RIF1: variants seen among roughly 807,000 people sequenced by gnomAD.
The protein encoded by RIF1 is telomere-associated protein RIF1.
Under a neutral mutation model 247.1 loss-of-function variants are expected in RIF1, and 45 were observed. That is an observed-to-expected ratio of 0.18 (90% confidence interval 0.14 to 0.23). The LOEUF (loss-of-function observed/expected upper bound fraction) is 0.23, where lower values mean the gene tolerates loss of function less well. RIF1 is among the 10% of genes least tolerant of loss of function. The probability of loss-of-function intolerance (pLI) is 1.00; values close to 1 mark genes in which losing one functional copy is unlikely to be tolerated. For missense variants in RIF1, 2,967 were observed against 2,862.5 expected (o/e 1.04, Z -0.83); for synonymous variants, 1,087 against 978.8 (o/e 1.11, Z -2.06).
At chr2:151,503,066 G>A in exon 12 of RIF1, 2 of 580,644 alleles carry the variant, frequency 3.4e-6, no homozygotes, top group South Asian at 2.3e-5. Context: ...GCTAATTCTG[G>A]AAATGAAAAA....
chr2:151,526,913 C>G, the RIF1 span: 2 of 1,572,196 alleles, frequency 1.3e-6, no homozygotes, highest in South Asian at 2.3e-5. Context: ...GAACTAGGTA[C>G]TTACATCACT....
chr2:151,524,622 T>C, the RIF1 span: 1 of 1,593,276 alleles, frequency 6.3e-7, no homozygotes, highest in South Asian at 1.1e-5. Context: ...GCGACCTTTA[T>C]TGGGGAAGAA....
chr2:151,522,580 A>G, the RIF1 span, among the ~76,000 whole-genome samples: 2 of 151,680 alleles, frequency 1.3e-5, no homozygotes, highest in African/African-American at 2.4e-5. Flanking sequence ...ATGCAAAAGT[A>G]TATCCTTCAA....
rs10199238 is a variant in RIF1, at chr2:151,490,357, G to A, written c.*416-4872G>A. ...GCCGGGTGGGACTGCCAAAATCAGC[G>A]CCAGGCACTTGTACCTGTTGAGACT... On this transcript the variant is annotated intron_variant and NMD_transcript_variant, in intron 9 of 13. Transcript: ENST00000454583. The A allele has an allele frequency of 2.7e-5, 43 of 1,583,694 alleles. No individual in the cohort carries two copies. Among genetic ancestry groups the A allele is most frequent in the African/African-American group, 1.2e-4 (9 of 74,088 alleles).
the RIF1 span, chr2:151,519,564 G>T: frequency 2.2e-6 from 2 of 891,970 alleles, no homozygotes; most frequent in Non-Finnish European, 1.8e-6. Context: ...GGATAATATT[G>T]TGAGTGTTAT....
intron 31 of RIF1, 86 bp downstream of exon 31, chr2:151,468,232 GT>G (rs1697254993): frequency 8.0e-7 from 1 of 1,252,838 alleles, no homozygotes; most frequent in Non-Finnish European, 1.1e-6. Flanking sequence ...AACTATATAT[GT>G]GAAAAACTTC....
Position 151,492,061 on chromosome 2 carries a change from T to C in RIF1, c.*416-3168T>C, listed in dbSNP as rs763159352. 3 of 1,598,594 alleles carry C rather than the reference T, an allele frequency of 1.9e-6. No homozygotes were observed. In the South Asian group the frequency reaches 3.3e-5, roughly 18 times the overall value. On this transcript the variant is annotated intron_variant and NMD_transcript_variant, in intron 9 of 13. Coordinates refer to the RIF1 transcript ENST00000454583. ...ACTTTTGTTCTTCTACCCCCTCACT[T>C]AAAGTTAATCCCCTCCCCCAACCCA...
In RIF1 at chr2:151,420,285, ATT is replaced by A. The variant is rs1290980706; in HGVS notation, c.601_602del (p.Leu201AlafsTer31). 1 of 1,614,078 alleles carries A rather than the reference ATT, an allele frequency of 6.2e-7. No individual in the cohort carries two copies. The highest frequency in any genetic ancestry group is 8.5e-7 in the Non-Finnish European group (1 of 1,180,024). On this transcript the variant is annotated frameshift_variant, in exon 7 of 36. Coordinates refer to ENST00000444746, the MANE Select transcript of RIF1 (RefSeq NM_018151.5). LOFTEE classifies it high-confidence loss of function. ...GTGGTTCATTCAGCACAAAAGGTAC[ATT>A]TGCGGGGAGCAACTGCTCTGGAGAT...
chr2:151,502,958 G>A (rs2065876267), intron 11 of RIF1: 1 of 896,700 alleles, frequency 1.1e-6, no homozygotes, highest in Non-Finnish European at 1.8e-6. Flanking sequence ...GGAAATGGGG[G>A]AAGGGGTTAT....
In RIF1 at chr2:151,411,249, T is replaced by G; in HGVS notation, c.105-11T>G. 6.5e-7 allele frequency: 1 copy of G among 1,546,384 alleles called. No homozygotes were observed. The highest frequency in any genetic ancestry group is 8.8e-7 in the Non-Finnish European group (1 of 1,134,412). On this transcript the variant is annotated splice_polypyrimidine_tract_variant and intron_variant, in intron 2 of 35. Transcript: ENST00000444746. ...CAACTACTTAAACTTGTGTTCTTCC[T>G]GCTTTTTAAGTCGTATGACTGGAGA...
the RIF1 span, chr2:151,525,327 G>T: frequency 9.1e-6 from 12 of 1,325,926 alleles, no homozygotes; most frequent in Non-Finnish European, 1.3e-5. Context: ...AACAGAGTTG[G>T]TTTACTTGAA....
At chr2:151,504,301 A>G (rs1009392957) in intron 12 of RIF1, among the ~76,000 whole-genome samples, 1 of 152,206 alleles carries the variant, frequency 6.6e-6, no homozygotes, top group Non-Finnish European at 1.5e-5. Flanking sequence ...ACCTTTGAAC[A>G]TCTACCTTCT....
At chr2:151,445,466 G>T in intron 19 of RIF1, 21 bp downstream of exon 19, 1 of 1,110,602 alleles carries the variant, frequency 9.0e-7, no homozygotes, top group South Asian at 1.2e-5. Flanking sequence ...GTCAAGTATT[G>T]ATTTCCGAGG....
At chr2:151,502,209 G>GC (rs200221888) in intron 11 of RIF1, among the ~76,000 whole-genome samples, 2,237 of 152,098 alleles carry the variant, frequency 0.015, 79 homozygotes, top group East Asian at 0.14. Context: ...TGAACTTTGG[G>GC]GACTTGCAGG....
Position 151,420,261 on chromosome 2 carries a change from T to C in RIF1, c.575T>C (p.Val192Ala). Residue 192 changes from valine to alanine, a missense_variant, in exon 7 of 36, where the codon GTG (valine) becomes GCG (alanine). Coordinates refer to ENST00000444746, the MANE Select transcript of RIF1 (RefSeq NM_018151.5). ...TGGGCAAAACTGGTCATACCTTTAG[T>C]GGTTCATTCAGCACAAAAGGTACAT... ...VRWAKLVIPL[V>A]VHSAQKVHLR... The C allele has an allele frequency of 4.3e-6, 7 of 1,614,162 alleles. No individual in the cohort carries two copies. Among genetic ancestry groups the C allele is most frequent in the Non-Finnish European group, 5.9e-6 (7 of 1,179,998 alleles).
At chr2:151,496,493 T>C in intron 10 of RIF1, 1 of 1,453,624 alleles carries the variant, frequency 6.9e-7, no homozygotes, top group South Asian at 1.4e-5. Flanking sequence ...AGAAGTTATA[T>C]GCTGACAAAA....
In RIF1 at chr2:151,441,925, TA is replaced by T; in HGVS notation, c.1671del (p.Gly558AspfsTer7). The stretch of plus-strand genomic sequence containing the variant: ...CATAGGTCCTCATGGAAATTACAAT[TA>T]AAGGACTTCCTCAGAAAGTATTAGG... ...KTLVLMEITIKGLPQKVLGSP... is the reference protein window; with the variant it reads ...KTLVLMEITIXGLPQKVLGSP... On this transcript the variant is annotated frameshift_variant, in exon 16 of 36. Coordinates refer to ENST00000444746, the MANE Select transcript of RIF1 (RefSeq NM_018151.5). LOFTEE classifies it high-confidence loss of function. The T allele has an allele frequency of 6.4e-7, 1 of 1,558,188 alleles. No individual in the cohort carries two copies. The highest frequency in any genetic ancestry group is 1.2e-5 in the South Asian group (1 of 85,406).
At chr2:151,444,607 A>C (rs1337991197) in intron 18 of RIF1, among the ~76,000 whole-genome samples, 2 of 152,166 alleles carry the variant, frequency 1.3e-5, no homozygotes, top group South Asian at 2.1e-4. Context: ...TTTTTACATT[A>C]TAGTTAACGT....
rs753979752 is a variant in RIF1, at chr2:151,465,281, G to A, written c.5761G>A (p.Val1921Ile). Residue 1921 changes from valine to isoleucine, a missense_variant, in exon 30 of 36, where the codon GTA becomes ATA. By Grantham distance (29) the Val-to-Ile change is conservative. Around this residue, in one of 7 missense-constraint regions of RIF1, gnomAD observed 2,028 missense variants for 1,825.6 expected, o/e 1.11. Transcript: ENST00000444746. Reference protein sequence around the residue: ...LEKAKTMELNVGNEASFHGQE... With the variant: ...LEKAKTMELNIGNEASFHGQE... ...GAAAGCAAAAACTATGGAATTGAAT[G>A]TAGGAAATGAAGCTAGCTTTCATGG... is the stretch of plus-strand genomic sequence containing the variant. 1 of 1,611,996 alleles carries A rather than the reference G, an allele frequency of 6.2e-7. No individual in the cohort carries two copies. The highest frequency in any genetic ancestry group is 8.5e-7 in the Non-Finnish European group (1 of 1,179,506).
Sources: gnomAD v4.1 joint callset for allele counts (sites outside exome capture counted in the v4.1 genomes callset) on GRCh38, gnomAD v4.1.1 for gene constraint, gnomAD v4.1.1 regional missense constraint, MANE v1.5 for transcripts, NCBI Gene and HGNC (gene_info 2026-07-23, HGNC 2026-07-21) for gene names.